RASL12: variants seen among roughly 807,000 people sequenced by gnomAD.
RASL12 encodes the protein ras-like protein family member 12.
In RASL12, 16 loss-of-function variants were observed where a neutral mutation model predicts 22.9. The ratio of observed to expected loss-of-function variants is 0.70; its 90% CI spans 0.47 to 1.06. The LOEUF is 1.06. RASL12 is among the 50% of genes least tolerant of loss of function. RASL12 has a pLI of 0.00. For synonymous variants in RASL12, 159 were observed against 152.2 expected (o/e 1.04, Z -0.33); for missense variants, 306 against 353.1 (o/e 0.87, Z 1.07).
chr15:65,050,120 A>G (rs1215989036), downstream of RASL12: 12 of 1,545,852 alleles, frequency 7.8e-6, no homozygotes, highest in East Asian at 2.9e-4. Context: ...TGAGAGATTG[A>G]CGGCAGGGGT....
chr15:65,063,482 T>G (rs983303709), intron 2 of RASL12, among the ~76,000 whole-genome samples: 5 of 152,186 alleles, frequency 3.3e-5, no homozygotes, highest in African/African-American at 1.2e-4. Context: ...AGCTGACCTC[T>G]GCTAATCAAA....
At chr15:65,071,462 C>A (rs1272761171), upstream of RASL12, among the ~76,000 whole-genome samples, 2 of 152,126 alleles carry the variant, frequency 1.3e-5, no homozygotes, top group Non-Finnish European at 2.9e-5. Flanking sequence ...GTAGGCAACA[C>A]CCCACCGGGG....
At chr15:65,051,086 C>T (rs894454283), downstream of RASL12, among the ~76,000 whole-genome samples, 3 of 152,054 alleles carry the variant, frequency 2.0e-5, no homozygotes, top group Non-Finnish European at 4.4e-5. Context: ...TCAGGTGATC[C>T]ACCTGACTCG....
rs1045311524 is a variant in RASL12, at chr15:65,067,736, A to C, written c.100T>G (p.Ser34Ala). 2 of 1,562,880 alleles carry C rather than the reference A, an allele frequency of 1.3e-6. No individual in the cohort carries two copies. The highest frequency in any genetic ancestry group is 2.8e-5 in the African/African-American group (2 of 72,364). Residue 34 changes from serine to alanine, a missense_variant, in exon 1 of 5, where the codon TCT becomes GCT. Transcript: ENST00000220062. ...CAGGCTCCCCGGCGCCACTCACCAG[A>C]CTTGCCAGCCCCGCGGCGCCCCAGG... is the stretch of plus-strand genomic sequence containing the variant. ...AILGRRGAGK[S>A]ALTVKFLTKR...
chr15:65,061,779 G>A (rs2086808251), intron 2 of RASL12, among the ~76,000 whole-genome samples: 1 of 152,166 alleles, frequency 6.6e-6, no homozygotes. Flanking sequence ...GCCGGGCGTG[G>A]TGGCTCACAC....
chr15:65,068,979 G>A (rs1191885017), upstream of RASL12, among the ~76,000 whole-genome samples: 1 of 152,212 alleles, frequency 6.6e-6, no homozygotes, highest in African/African-American at 2.4e-5. This position sits in a 1 kb window ranked among gnomAD's most constrained non-coding sequence, Gnocchi z 4.2. Context: ...AACCCTGTGA[G>A]GCATCTCTTC....
chr15:65,071,867 A>G (rs2086934369), upstream of RASL12, among the ~76,000 whole-genome samples: 3 of 152,140 alleles, frequency 2.0e-5, no homozygotes, highest in Admixed American at 2.0e-4. Flanking sequence ...CCCTGCCCTG[A>G]GACAAGGCTA....
chr15:65,068,239 G>T (rs944881885), upstream of RASL12: 2 of 988,536 alleles, frequency 2.0e-6, no homozygotes, highest in Admixed American at 6.1e-5. This position sits in a 1 kb window ranked among gnomAD's most constrained non-coding sequence, Gnocchi z 4.2. Context: ...GGGCTAGGGG[G>T]AGAGAGGGGA....
chr15:65,070,799 T>C (rs1468849468), upstream of RASL12, among the ~76,000 whole-genome samples: 1 of 152,162 alleles, frequency 6.6e-6, no homozygotes, highest in African/African-American at 2.4e-5. Context: ...GACAACCACT[T>C]CTGTGGTTGT....
Position 65,067,886 on chromosome 15 carries a change from G to C in RASL12, c.-51C>G. The C allele has an allele frequency of 7.2e-7, 1 of 1,391,762 alleles. No homozygotes were observed. The highest frequency in any genetic ancestry group is 9.3e-7 in the Non-Finnish European group (1 of 1,078,854). The allele number at this position is 1,391,762 out of a possible 1,614,324, so 86.2% of individuals were successfully genotyped here. A position where few individuals can be genotyped will look rare whatever the true frequency, so the allele number is the denominator to read the frequency against. On this transcript the variant is annotated 5_prime_UTR_variant, in exon 1 of 5. Transcript: ENST00000220062. ...GTCTGCGGCCGGTGGGCCCCGCGCA[G>C]TGCGCCCGCCCGTCGGGGCCCAGGG...
At chr15:65,059,997 C>T (rs577249650) in intron 2 of RASL12, among the ~76,000 whole-genome samples, 2 of 152,336 alleles carry the variant, frequency 1.3e-5, no homozygotes, top group South Asian at 2.1e-4. Context: ...TGGTATTAAA[C>T]CCAATGTCAG....
chr15:65,069,595 T>C (rs1405356061), upstream of RASL12, among the ~76,000 whole-genome samples: 1 of 152,216 alleles, frequency 6.6e-6, no homozygotes, highest in East Asian at 1.9e-4. Flanking sequence ...TGTTTCCTCA[T>C]CTTTAAAACT....
In RASL12 at chr15:65,067,909, G is replaced by A. The variant is rs968684639; in HGVS notation, c.-74C>T. 3.7e-6 allele frequency: 5 copies of A among 1,352,472 alleles called. No homozygotes were observed. Among genetic ancestry groups the A allele is most frequent in the African/African-American group, 3.1e-5 (2 of 64,538 alleles). 83.8% of individuals were successfully genotyped at this position (1,352,472 alleles called of 1,614,324 possible). A position where few individuals can be genotyped will look rare whatever the true frequency, so the allele number is the denominator to read the frequency against. On this transcript the variant is annotated 5_prime_UTR_variant, in exon 1 of 5. Transcript: ENST00000220062. ...CAGTGCGCCCGCCCGTCGGGGCCCA[G>A]GGGAGCGGGATGCAGGCTTCCCTGG...
chr15:65,047,907 G>A, the RASL12 span, among the ~76,000 whole-genome samples: 1 of 152,246 alleles, frequency 6.6e-6, no homozygotes, highest in East Asian at 1.9e-4. Flanking sequence ...GGCCAGGCAC[G>A]GTGGCTCAGG....
At chr15:65,055,613 G>T (rs1431724758) in intron 4 of RASL12, among the ~76,000 whole-genome samples, 2 of 152,194 alleles carry the variant, frequency 1.3e-5, no homozygotes, top group Non-Finnish European at 2.9e-5. Flanking sequence ...CCTGCCTGTG[G>T]CTGGAGGAAG....
At chr15:65,076,519 T>G in intron 1 of RASL12, 1 of 697,922 alleles carries the variant, frequency 1.4e-6, no homozygotes, top group South Asian at 1.5e-5. Flanking sequence ...TTAAGAGCTG[T>G]AACACTCACC....
chr15:65,074,585 C>T (rs1396406304), intron 1 of RASL12, among the ~76,000 whole-genome samples: 1 of 152,020 alleles, frequency 6.6e-6, no homozygotes, highest in Non-Finnish European at 1.5e-5. Flanking sequence ...TTAATAGAGA[C>T]GGGGTTTCCC....
upstream of RASL12, among the ~76,000 whole-genome samples, chr15:65,071,802 G>C (rs974919523): frequency 1.3e-5 from 2 of 152,074 alleles, no homozygotes; most frequent in Middle Eastern, 3.2e-3. Flanking sequence ...AGCAGCCCTG[G>C]CCCCCTGGGA....
At chr15:65,058,240 G>C (rs1286090712) in intron 4 of RASL12, among the ~76,000 whole-genome samples, 187 bp downstream of exon 4, 1 of 152,220 alleles carries the variant, frequency 6.6e-6, no homozygotes, top group East Asian at 1.9e-4. Flanking sequence ...TTGCACTCCA[G>C]CCTGGGTGAC....
Sources: allele counts gnomAD v4.1 joint callset (sites outside exome capture counted in the v4.1 genomes callset), GRCh38; gene constraint gnomAD v4.1.1; non-coding constraint Gnocchi (gnomAD v3.1); transcripts MANE v1.5; gene names NCBI Gene and HGNC (gene_info 2026-07-23, HGNC 2026-07-21).